PTPRF: variants seen among roughly 807,000 people sequenced by gnomAD.
PTPRF encodes the protein protein tyrosine phosphatase receptor type F.
A neutral mutation model predicts 201.8 loss-of-function variants in PTPRF; 59 were observed. The observed-to-expected ratio is 0.29, with a 90% CI of 0.24 to 0.36. The LOEUF (loss-of-function observed/expected upper bound fraction) is 0.36, where lower values mean the gene tolerates loss of function less well. Among genes scored for constraint, PTPRF ranks in the 10% least tolerant of loss-of-function variants. PTPRF has a pLI of 1.00. For synonymous variants in PTPRF, 1,088 were observed against 1,089.7 expected (o/e 1.00, Z 0.03); for missense variants, 2,132 against 2,690.5 (o/e 0.79, Z 4.59).
At chr1:43,584,269 C>T (rs1648533657) in intron 7 of PTPRF, among the ~76,000 whole-genome samples, 1 of 152,132 alleles carries the variant, frequency 6.6e-6, no homozygotes, top group African/African-American at 2.4e-5. Context: ...CAAACCCAGG[C>T]CATCCTCGTT....
intron 3 of PTPRF, among the ~76,000 whole-genome samples, chr1:43,552,211 A>AGTCATTCTTTGGCCTTCTTTG (rs1443229676): frequency 2.6e-5 from 4 of 152,030 alleles, no homozygotes; most frequent in African/African-American, 9.7e-5. Flanking sequence ...ATCGCCTCCC[A>AGTCATTCTTTGGCCTTCTTTG]GTCATTCTTT....
rs749288620 is a variant in PTPRF at position 43,553,724 on chromosome 1, A to T, written c.238-76A>T. ...GTGTCCCTCCTCATGGACCTTTTGGAGGTGGGAGGACAACTGACCCTGAGC... is the reference window on the plus strand; with the variant it reads ...GTGTCCCTCCTCATGGACCTTTTGGTGGTGGGAGGACAACTGACCCTGAGC... On this transcript the variant is annotated intron_variant, in intron 4 of 33. Coordinates refer to ENST00000359947, the MANE Select transcript of PTPRF (RefSeq NM_002840.5). The surrounding 1 kb of genome is among the most constrained non-coding windows in gnomAD (Gnocchi z 4.1). 6 of 1,608,628 alleles carry T rather than the reference A, an allele frequency of 3.7e-6. No homozygotes were observed. The highest frequency in any genetic ancestry group is 5.1e-6 in the Non-Finnish European group (6 of 1,176,676).
At chr1:43,535,985 C>T (rs896392511) in intron 1 of PTPRF, among the ~76,000 whole-genome samples, 1 of 152,108 alleles carries the variant, frequency 6.6e-6, no homozygotes, top group Non-Finnish European at 1.5e-5. Flanking sequence ...GTCCAGGCTG[C>T]TCTTGAACTC....
intron 7 of PTPRF, among the ~76,000 whole-genome samples, chr1:43,586,404 G>T (rs1489482201): frequency 6.6e-6 from 1 of 152,242 alleles, no homozygotes; most frequent in East Asian, 1.9e-4. Flanking sequence ...GCTGGGCTGG[G>T]TGGTGGTCCT....
At chr1:43,579,185 C>CA (rs763643071) in intron 7 of PTPRF, 4 of 657,916 alleles carry the variant, frequency 6.1e-6, no homozygotes, top group South Asian at 1.5e-5. Context: ...GGTCTTGCCG[C>CA]ATGGGCCCGG....
At position 43,603,957 on chromosome 1, in the gene PTPRF, C is replaced by T. The variant is rs751004764; in HGVS notation, c.2805C>T (p.Ala935=). ...TGACCACGTCTACCACAGAACTGGC[C>T]TGGGACCCGCCAGTGCTGGCGGAGA... ...TGLTTSTTEL[A]WDPPVLAERN... Residue 935 remains alanine (A), a synonymous_variant, in exon 16 of 34, where the codon GCC becomes GCT. Transcript: ENST00000359947. The surrounding 1 kb of genome is among the most constrained non-coding windows in gnomAD (Gnocchi z 5.8). 1 of 1,614,110 alleles carries T rather than the reference C, an allele frequency of 6.2e-7. No homozygotes were observed. The highest frequency in any genetic ancestry group is 1.7e-5 in the Admixed American group (1 of 60,022).
chr1:43,596,976 A>G (rs1167687648), intron 11 of PTPRF, among the ~76,000 whole-genome samples: 1 of 152,086 alleles, frequency 6.6e-6, no homozygotes, highest in Non-Finnish European at 1.5e-5. Flanking sequence ...TGTGTGAGAG[A>G]CACTGATACT....
rs1557878636 is a variant in PTPRF, at chr1:43,620,181, CCAT to C, written c.5203_5205del (p.Ile1735del). 1 of 1,614,122 alleles carries C rather than the reference CCAT, an allele frequency of 6.2e-7. No homozygotes were observed. The highest frequency in any genetic ancestry group is 2.2e-5 in the East Asian group (1 of 44,884). On this transcript the variant is annotated inframe_deletion, in exon 30 of 34. Transcript: ENST00000359947. ...CGCATGCTATGGGAGCACAATTCCA[CCAT>C]CATCGTCATGCTGACCAAGCTTCGG...
chr1:43,585,723 G>T (rs762683328), intron 7 of PTPRF, among the ~76,000 whole-genome samples: 2 of 152,200 alleles, frequency 1.3e-5, no homozygotes, highest in Non-Finnish European at 2.9e-5. Flanking sequence ...CCGCCTTTTG[G>T]CCTGAAGACC....
At chr1:43,536,596 A>G (rs554039961) in intron 1 of PTPRF, among the ~76,000 whole-genome samples, 11 of 152,124 alleles carry the variant, frequency 7.2e-5, no homozygotes, top group African/African-American at 2.4e-5. Context: ...TCTCTGCACA[A>G]TGGTGCAGCC....
In PTPRF at chr1:43,542,848, A is replaced by G. The variant is rs901415377; in HGVS notation, c.-45-2183A>G. On this transcript the variant is annotated intron_variant, in intron 2 of 33. Transcript: ENST00000359947. This position sits in a 1 kb window ranked among gnomAD's most constrained non-coding sequence, Gnocchi z 5.2. ...GCTACAGGGGATTAAGCCTCTGCTCATTGTACTGGGGAGCTATATCCCATG... is the reference window on the plus strand; with the variant it reads ...GCTACAGGGGATTAAGCCTCTGCTCGTTGTACTGGGGAGCTATATCCCATG... Among the ~76,000 whole-genome samples, 1 of 152,090 alleles carries G rather than the reference A, an allele frequency of 6.6e-6. No individual in the cohort carries two copies. Among genetic ancestry groups the G allele is most frequent in the Non-Finnish European group, 1.5e-5 (1 of 68,000 alleles).
chr1:43,598,469 C>A, intron 12 of PTPRF: 1 of 523,348 alleles, frequency 1.9e-6, no homozygotes, highest in Non-Finnish European at 3.4e-6. Flanking sequence ...CCTGTTCCCC[C>A]ATGTCGACCC....
Position 43,530,912 on chromosome 1 carries a change from C to G in PTPRF, c.-304C>G, listed in dbSNP as rs1420118176. On this transcript the variant is annotated 5_prime_UTR_variant, in exon 1 of 34. Transcript: ENST00000359947. The surrounding 1 kb of genome is among the most constrained non-coding windows in gnomAD (Gnocchi z 4.1). ...GGAGCGGTGGCGGCGGCAGAGGCGGCGGCTCCAGCTTCGGCTCCGGCTCGG... is the reference window on the plus strand; with the variant it reads ...GGAGCGGTGGCGGCGGCAGAGGCGGGGGCTCCAGCTTCGGCTCCGGCTCGG... 1.9e-5 allele frequency: 3 copies of G among 153,950 alleles called. No homozygotes were observed. The highest frequency in any genetic ancestry group is 6.6e-5 in the Admixed American group (1 of 15,134). The allele number at this position is 153,950 out of a possible 1,614,324, so 9.5% of individuals were successfully genotyped here.
rs55656747 is a variant in PTPRF at position 43,554,187 on chromosome 1, G to C, written c.379+246G>C. 0.031 allele frequency among the ~76,000 whole-genome samples: 4,740 copies of C among 152,234 alleles called. 259 individuals carry two copies. Among genetic ancestry groups the C allele is most frequent in the African/African-American group, 0.11 (4,439 of 41,464 alleles). On this transcript the variant is annotated intron_variant, in intron 5 of 33. Transcript: ENST00000359947. The surrounding 1 kb of genome is among the most constrained non-coding windows in gnomAD (Gnocchi z 4.1). ...ATTCTCCTGCTGAGCCGGGTCGTTG[G>C]TTGGGTGGGGTCTGGGGTCTGACTT... is the stretch of plus-strand genomic sequence containing the variant.
chr1:43,528,354 T>C (rs1370792836), upstream of PTPRF, among the ~76,000 whole-genome samples: 2 of 151,504 alleles, frequency 1.3e-5, no homozygotes, highest in African/African-American at 4.9e-5. Context: ...CTAATTTTTG[T>C]ATTTTTTTTT....
intron 21 of PTPRF, among the ~76,000 whole-genome samples, chr1:43,607,602 T>G (rs760925201): frequency 6.6e-6 from 1 of 152,230 alleles, no homozygotes; most frequent in Non-Finnish European, 1.5e-5. Context: ...ACTTTGTCAC[T>G]CTCAGTTTAA....
chr1:43,562,967 C>T (rs147376222), intron 5 of PTPRF, among the ~76,000 whole-genome samples: 3,553 of 151,408 alleles, frequency 0.023, 138 homozygotes, highest in African/African-American at 0.081. Flanking sequence ...CACTTGAGGT[C>T]GGGAGTTCGA....
At chr1:43,549,992 A>G (rs902749033) in intron 3 of PTPRF, among the ~76,000 whole-genome samples, 9 of 152,216 alleles carry the variant, frequency 5.9e-5, no homozygotes, top group South Asian at 2.1e-4. Context: ...GTGCTCCCCA[A>G]AGATCCTCTG....
In PTPRF at chr1:43,597,739, C is replaced by CT; in HGVS notation, c.1814-7dup. On this transcript the variant is annotated splice_polypyrimidine_tract_variant and intron_variant, in intron 11 of 33. Coordinates refer to ENST00000359947, the MANE Select transcript of PTPRF (RefSeq NM_002840.5). ...ATCTGCTTGCTTCCCCCCCATTTGT[C>CT]TTCCCCAGCCCCCTCCGCCCCTCCC... 5.0e-5 allele frequency: 57 copies of CT among 1,140,940 alleles called. No homozygotes were observed. In the Admixed American group the frequency reaches 7.9e-4, roughly 16 times the overall value. The allele number at this position is 1,140,940 out of a possible 1,614,324, so 70.7% of individuals were successfully genotyped here. A position where few individuals can be genotyped will look rare whatever the true frequency, so the allele number is the denominator to read the frequency against.
Sources: allele counts gnomAD v4.1 joint callset (sites outside exome capture counted in the v4.1 genomes callset), GRCh38; gene constraint gnomAD v4.1.1; non-coding constraint Gnocchi (gnomAD v3.1); transcripts MANE v1.5; gene names NCBI Gene and HGNC (gene_info 2026-07-23, HGNC 2026-07-21).